SLC25A48: variants seen among roughly 807,000 people sequenced by gnomAD.
SLC25A48 encodes CTC-321K16.1.
SLC25A48 carries 29 observed loss-of-function variants against 32.2 expected under a neutral mutation model. That is an observed-to-expected ratio of 0.90 (90% CI 0.67 to 1.23). The LOEUF is 1.23. Ranked by LOEUF, SLC25A48 falls within the 50% of genes most tolerant of loss-of-function variation. The probability of loss-of-function intolerance (pLI) is 0.00; values close to 1 mark genes in which losing one functional copy is unlikely to be tolerated. For missense variants in SLC25A48, 399 were observed against 422.7 expected (o/e 0.94, Z 0.49); for synonymous variants, 164 against 172.3 (o/e 0.95, Z 0.38).
At chr5:135,714,052 G>A (rs146222069) in intron 3 of SLC25A48, among the ~76,000 whole-genome samples, 2 of 152,210 alleles carry the variant, frequency 1.3e-5, no homozygotes, top group African/African-American at 4.8e-5. Context: ...CCGGTTGTGA[G>A]ACTGATGAAG....
chr5:135,672,428 A>G (rs1055883534), intron 3 of SLC25A48, among the ~76,000 whole-genome samples: 1 of 152,176 alleles, frequency 6.6e-6, no homozygotes, highest in Non-Finnish European at 1.5e-5. Context: ...CCATTAGTCC[A>G]TCACCAGACA....
Position 135,618,983 on chromosome 5 carries a change from A to G in SLC25A48, c.-848-10254A>G, listed in dbSNP as rs557305848. Among the ~76,000 whole-genome samples the G allele has an allele frequency of 3.3e-5, 5 of 151,666 alleles. No individual in the cohort carries two copies. In the South Asian group the frequency reaches 6.2e-4, roughly 19 times the overall value. On this transcript the variant is annotated intron_variant, in intron 1 of 10. Transcript: ENST00000646290. ...ATATGCCATGGTAAAAACCTTTTTG[A>G]ATTTTGTTTATTTTAGGGAAATCTG...
chr5:135,741,213 C>T (rs1359165399), intron 3 of SLC25A48, among the ~76,000 whole-genome samples: 3 of 152,122 alleles, frequency 2.0e-5, no homozygotes, highest in Admixed American at 1.3e-4. Flanking sequence ...GGGTGTCTGA[C>T]TCCAAAGTAT....
intron 3 of SLC25A48, among the ~76,000 whole-genome samples, chr5:135,793,417 A>G (rs1366981452): frequency 6.6e-6 from 1 of 151,746 alleles, no homozygotes; most frequent in Non-Finnish European, 1.5e-5. Context: ...TTAATGTTAC[A>G]GTTTGTTTAC....
At chr5:135,670,057 A>G (rs1340105116) in intron 3 of SLC25A48, among the ~76,000 whole-genome samples, 1 of 152,212 alleles carries the variant, frequency 6.6e-6, no homozygotes, top group Non-Finnish European at 1.5e-5. Flanking sequence ...TTAGAGATCA[A>G]TTAACTGGGA....
At chr5:135,873,598 C>T (rs921578007) in intron 5 of SLC25A48, among the ~76,000 whole-genome samples, 1 of 152,186 alleles carries the variant, frequency 6.6e-6, no homozygotes, top group African/African-American at 2.4e-5. Flanking sequence ...TCATGCCTCA[C>T]CCTGGGCTCT....
At chr5:135,656,975 C>T (rs1753266519) in intron 3 of SLC25A48, among the ~76,000 whole-genome samples, 1 of 152,182 alleles carries the variant, frequency 6.6e-6, no homozygotes, top group African/African-American at 2.4e-5. Flanking sequence ...TTTGTTATGG[C>T]AGCCCTAGGA....
intron 3 of SLC25A48, among the ~76,000 whole-genome samples, chr5:135,643,626 A>C (rs1449917127): frequency 6.6e-6 from 1 of 152,140 alleles, no homozygotes; most frequent in Non-Finnish European, 1.5e-5. Context: ...CTCCCAATGG[A>C]AAGTCCGGTC....
intron 3 of SLC25A48, among the ~76,000 whole-genome samples, chr5:135,761,057 T>C (rs1195816283): frequency 1.3e-5 from 2 of 152,126 alleles, no homozygotes; most frequent in Admixed American, 1.3e-4. Flanking sequence ...TCCAACACTT[T>C]GGGAGACCAA....
intron 3 of SLC25A48, among the ~76,000 whole-genome samples, chr5:135,738,777 A>G (rs1755437484): frequency 6.6e-6 from 1 of 152,224 alleles, no homozygotes; most frequent in Non-Finnish European, 1.5e-5. Flanking sequence ...AGATCACAAA[A>G]TCATAAATGT....
intron 4 of SLC25A48, among the ~76,000 whole-genome samples, chr5:135,815,713 A>G (rs898295907): frequency 6.6e-6 from 1 of 152,212 alleles, no homozygotes; most frequent in Non-Finnish European, 1.5e-5. Context: ...CTGGAGCCAC[A>G]TTCACCAAGC....
chr5:135,810,680 T>C (rs1757572391), intron 3 of SLC25A48, among the ~76,000 whole-genome samples: 1 of 152,224 alleles, frequency 6.6e-6, no homozygotes, highest in South Asian at 2.1e-4. Flanking sequence ...AGGTTTCGTA[T>C]TTTATATTGC....
chr5:135,794,898 C>T (rs992495388), intron 3 of SLC25A48, among the ~76,000 whole-genome samples: 4 of 151,782 alleles, frequency 2.6e-5, no homozygotes, highest in Non-Finnish European at 5.9e-5. Flanking sequence ...GATATTGTTT[C>T]TCATATCCTG....
At chr5:135,857,706 A>G (rs575147435) in intron 4 of SLC25A48, among the ~76,000 whole-genome samples, 135 of 152,274 alleles carry the variant, frequency 8.9e-4, no homozygotes, top group Middle Eastern at 3.4e-3. Context: ...ATGGGCTGTC[A>G]GGCTGGAGTC....
At position 135,886,648 on chromosome 5, in the gene SLC25A48, ATGTGTG is replaced by A. The variant is rs70976584; in HGVS notation, c.*8-1363_*8-1358del. ...ATATATATATATATAAAATATATAT[ATGTGTG>A]TGTGTGTGTGTGTGTGTGTGAGAGA... On this transcript the variant is annotated intron_variant, in intron 7 of 7. Coordinates refer to ENST00000681962, the MANE Select transcript of SLC25A48 (RefSeq NM_001349336.2). Among the ~76,000 whole-genome samples the A allele has an allele frequency of 1.3e-3, 81 of 64,740 alleles. 5 individuals carry two copies. In the South Asian group the frequency reaches 0.021, roughly 17 times the overall value. 42.5% of individuals were successfully genotyped at this position (64,740 alleles called of 152,430 possible).
chr5:135,672,988 A>G (rs901774558), intron 3 of SLC25A48, among the ~76,000 whole-genome samples: 2 of 152,160 alleles, frequency 1.3e-5, no homozygotes, highest in African/African-American at 4.8e-5. Context: ...TACAGTATAT[A>G]TATTTATTTA....
chr5:135,774,600 TA>T (rs997873241), intron 3 of SLC25A48, among the ~76,000 whole-genome samples: 37 of 151,924 alleles, frequency 2.4e-4, no homozygotes, highest in African/African-American at 8.7e-4. Flanking sequence ...CCTCTTCTGA[TA>T]TTGTTCCTAT....
At chr5:135,812,566 C>T (rs897515087) in exon 4 of SLC25A48, 3 of 152,262 alleles carry the variant, frequency 2.0e-5, no homozygotes, top group African/African-American at 4.8e-5. Context: ...TGCACACCTC[C>T]ACCTGTGATG....
chr5:135,863,601 G>A (rs1226463746), intron 4 of SLC25A48, among the ~76,000 whole-genome samples: 3 of 152,150 alleles, frequency 2.0e-5, no homozygotes, highest in Non-Finnish European at 4.4e-5. Flanking sequence ...GCTATACCAC[G>A]TTAATGCCCA....
Sources: allele counts gnomAD v4.1 joint callset (sites outside exome capture counted in the v4.1 genomes callset), GRCh38; gene constraint gnomAD v4.1.1; transcripts MANE v1.5; gene names NCBI Gene and HGNC (gene_info 2026-07-23, HGNC 2026-07-21).